GRIK2: variants seen among roughly 807,000 people sequenced by gnomAD.
The protein encoded by GRIK2 is glutamate receptor ionotropic, kainate 2.
In GRIK2, 32 loss-of-function variants were observed where a neutral mutation model predicts 100.3. That is an observed-to-expected ratio of 0.32 (90% CI 0.24 to 0.43). The LOEUF is 0.43. GRIK2 is among the 20% of genes least tolerant of loss of function. GRIK2 has a pLI of 1.00. For missense variants in GRIK2, 843 were observed against 1,114.9 expected, an observed-to-expected ratio of 0.76 and a Z score of 3.47; for synonymous variants, 417 against 389.4, an observed-to-expected ratio of 1.07 and a Z score of -0.83.
At chr6:101,823,163 A>T (rs1174330335) in intron 10 of GRIK2, among the ~76,000 whole-genome samples, 1 of 152,086 alleles carries the variant, frequency 6.6e-6, no homozygotes, top group Non-Finnish European at 1.5e-5. Context: ...TTTAAACTAT[A>T]ATCTCAGATT....
chr6:101,720,505 C>G (rs553677402), intron 7 of GRIK2, among the ~76,000 whole-genome samples: 1 of 152,072 alleles, frequency 6.6e-6, no homozygotes, highest in Non-Finnish European at 1.5e-5. Context: ...GTAGTATTGT[C>G]TATTAATAAT....
intron 7 of GRIK2, among the ~76,000 whole-genome samples, chr6:101,793,215 G>A (rs1159428799): frequency 6.6e-6 from 1 of 152,160 alleles, no homozygotes; most frequent in South Asian, 2.1e-4. Flanking sequence ...ACTTGTCAAC[G>A]TCATTCTCCA....
At chr6:101,720,785 A>C (rs1774427204) in intron 7 of GRIK2, among the ~76,000 whole-genome samples, 1 of 152,098 alleles carries the variant, frequency 6.6e-6, no homozygotes, top group Non-Finnish European at 1.5e-5. Flanking sequence ...AAAAAAATAA[A>C]ATAAAATGCA....
chr6:101,496,028 C>T (rs554594062), intron 2 of GRIK2, among the ~76,000 whole-genome samples: 2 of 152,250 alleles, frequency 1.3e-5, no homozygotes, highest in Admixed American at 6.5e-5. Context: ...TCACTACAAC[C>T]TCTGCCTCCT....
intron 16 of GRIK2, among the ~76,000 whole-genome samples, chr6:102,061,725 G>T (rs776784643): frequency 1.3e-5 from 2 of 150,178 alleles, no homozygotes; most frequent in Non-Finnish European, 3.0e-5. Context: ...CCATAAAAAC[G>T]GTGTTTTAAG....
At chr6:101,559,832 T>G (rs1251798766) in intron 2 of GRIK2, among the ~76,000 whole-genome samples, 1 of 152,102 alleles carries the variant, frequency 6.6e-6, no homozygotes, top group Non-Finnish European at 1.5e-5. Flanking sequence ...ACTTACTTCA[T>G]AGTTCAGTGT....
intron 2 of GRIK2, among the ~76,000 whole-genome samples, chr6:101,605,012 A>G (rs917614450): frequency 6.6e-6 from 1 of 151,954 alleles, no homozygotes; most frequent in South Asian, 2.1e-4. Context: ...GAATGAAACA[A>G]TTTCATTAAT....
At chr6:101,982,142 A>G (rs988492781) in intron 14 of GRIK2, among the ~76,000 whole-genome samples, 1 of 151,864 alleles carries the variant, frequency 6.6e-6, no homozygotes, top group Non-Finnish European at 1.5e-5. Flanking sequence ...ACTTATATCA[A>G]TTTGTCATCA....
chr6:101,955,576 T>TCTCACTCTCTCTCTCTCTCTCTCTC (rs1791867450), intron 14 of GRIK2, among the ~76,000 whole-genome samples: 1 of 116,288 alleles, frequency 8.6e-6, no homozygotes, highest in Non-Finnish European at 1.7e-5. Flanking sequence ...GAGCAAGGCC[T>TCTCACTCTCTCTCTCTCTCTCTCTC]TCTCTCTCTC....
chr6:101,676,595 C>CT (rs2243351), intron 4 of GRIK2, 28 bp from the exon 5 acceptor site: 55,439 of 979,722 alleles, frequency 0.057, 1 homozygote, highest in Non-Finnish European at 0.064. Context: ...CTCTAATATT[C>CT]TTTTTTTTTT....
intron 7 of GRIK2, among the ~76,000 whole-genome samples, chr6:101,719,026 A>G (rs533720202): frequency 1.3e-5 from 2 of 152,104 alleles, no homozygotes; most frequent in South Asian, 4.1e-4. Flanking sequence ...CTCTTTCTCA[A>G]ATCCAAGGTT....
intron 2 of GRIK2, among the ~76,000 whole-genome samples, chr6:101,465,040 G>T (rs748240621): frequency 2.0e-5 from 3 of 152,056 alleles, no homozygotes; most frequent in Non-Finnish European, 2.9e-5. Flanking sequence ...ATGCAATATG[G>T]CTAACAGGAT....
intron 7 of GRIK2, among the ~76,000 whole-genome samples, chr6:101,719,583 T>A (rs1476557771): frequency 6.6e-6 from 1 of 152,000 alleles, no homozygotes; most frequent in African/African-American, 2.4e-5. Flanking sequence ...ACTTTGGAGT[T>A]CAGTGGGCAG....
At chr6:101,686,893 A>G (rs1170990245) in intron 7 of GRIK2, among the ~76,000 whole-genome samples, 1 of 151,792 alleles carries the variant, frequency 6.6e-6, no homozygotes, top group Non-Finnish European at 1.5e-5. Context: ...CTATGAAAGA[A>G]GGGTATATTC....
intron 7 of GRIK2, among the ~76,000 whole-genome samples, chr6:101,749,977 T>C (rs1365184898): frequency 1.3e-5 from 2 of 151,726 alleles, no homozygotes; most frequent in Admixed American, 6.6e-5. Context: ...CATGCCTGGC[T>C]AATTTTTACT....
chr6:101,662,343 G>C (rs951855647), intron 4 of GRIK2, among the ~76,000 whole-genome samples: 1 of 152,080 alleles, frequency 6.6e-6, no homozygotes, highest in African/African-American at 2.4e-5. Context: ...TCATAGGCTC[G>C]CTTCTCCTTG....
At chr6:101,786,029 A>G (rs1779401303) in intron 7 of GRIK2, among the ~76,000 whole-genome samples, 3 of 151,980 alleles carry the variant, frequency 2.0e-5, no homozygotes, top group South Asian at 2.1e-4. Flanking sequence ...AGAGTTCCTC[A>G]TCTCCTTAGT....
intron 14 of GRIK2, among the ~76,000 whole-genome samples, chr6:101,998,959 G>A (rs368305442): frequency 1.2e-4 from 18 of 151,572 alleles, no homozygotes; most frequent in African/African-American, 1.7e-4. Flanking sequence ...GATTACAGGC[G>A]TGTGCCACCA....
intron 4 of GRIK2, among the ~76,000 whole-genome samples, chr6:101,661,677 G>A (rs940935595): frequency 6.6e-6 from 1 of 152,146 alleles, no homozygotes; most frequent in Admixed American, 6.5e-5. Flanking sequence ...TGGCTGGAAT[G>A]CACTTTTCCT....
Sources: gnomAD v4.1 joint callset for allele counts (sites outside exome capture counted in the v4.1 genomes callset) on GRCh38, gnomAD v4.1.1 for gene constraint, MANE v1.5 for transcripts, NCBI Gene and HGNC (gene_info 2026-07-23, HGNC 2026-07-21) for gene names.